PRDM11: variants seen among roughly 807,000 people sequenced by gnomAD.
PRDM11 encodes PR domain-containing protein 11.
A neutral mutation model predicts 97.8 loss-of-function variants in PRDM11; 20 were observed. The observed-to-expected ratio is 0.20, with a 90% confidence interval of 0.14 to 0.30. The LOEUF (loss-of-function observed/expected upper bound fraction) is 0.30. Among genes scored for constraint, PRDM11 ranks in the 10% least tolerant of loss-of-function variants. The pLI, the probability that PRDM11 is intolerant of heterozygous loss-of-function variation, is 1.00. For missense variants in PRDM11, 1,139 were observed against 1,555.2 expected, an observed-to-expected ratio of 0.73 and a Z score of 4.50; for synonymous variants, 599 against 637.7, an observed-to-expected ratio of 0.94 and a Z score of 0.91.
chr11:45,159,059 G>C (rs1239164734), intron 1 of PRDM11, among the ~76,000 whole-genome samples: 3 of 152,110 alleles, frequency 2.0e-5, no homozygotes, highest in African/African-American at 7.2e-5. Context: ...GGACCCACTG[G>C]CCCAGCTCCC....
At chr11:45,204,565 A>G (rs1853439512) in intron 4 of PRDM11, 146 bp from the exon 5 acceptor site, 2 of 708,342 alleles carry the variant, frequency 2.8e-6, no homozygotes, top group Admixed American at 4.7e-5. Flanking sequence ...CCCAGCCTGC[A>G]TTTCAGTTCT....
intron 1 of PRDM11, among the ~76,000 whole-genome samples, chr11:45,155,961 A>G (rs1161203309): frequency 6.6e-6 from 1 of 152,124 alleles, no homozygotes; most frequent in African/African-American, 2.4e-5. Flanking sequence ...TACAGAGGTA[A>G]CATTGAGGCC....
At chr11:45,095,578 C>A (rs1851877593), upstream of PRDM11, among the ~76,000 whole-genome samples, 1 of 152,226 alleles carries the variant, frequency 6.6e-6, no homozygotes, top group African/African-American at 2.4e-5. Context: ...AGGCACATGG[C>A]AGCTGAGAGT....
chr11:45,205,593 C>T (rs867505273), intron 5 of PRDM11, among the ~76,000 whole-genome samples: 5 of 152,190 alleles, frequency 3.3e-5, no homozygotes, highest in African/African-American at 1.2e-4. Flanking sequence ...GGCACAGCCA[C>T]ACCATGGGCC....
At chr11:45,172,110 G>A (rs190307763) in intron 1 of PRDM11, among the ~76,000 whole-genome samples, 4 of 152,254 alleles carry the variant, frequency 2.6e-5, no homozygotes, top group Admixed American at 2.6e-4. Context: ...ACAAAGCTCA[G>A]GAAAGTGATT....
intron 5 of PRDM11, among the ~76,000 whole-genome samples, chr11:45,206,813 C>G (rs1853529542): frequency 6.6e-6 from 1 of 152,234 alleles, no homozygotes; most frequent in Non-Finnish European, 1.5e-5. Context: ...AAGCTGAGAG[C>G]AGGGCAAGGT....
At chr11:45,189,197 G>A (rs747036886) in intron 4 of PRDM11, among the ~76,000 whole-genome samples, 1 of 152,128 alleles carries the variant, frequency 6.6e-6, no homozygotes, top group South Asian at 2.1e-4. Flanking sequence ...CACCACACCC[G>A]GCCGCGAGCA....
intron 4 of PRDM11, among the ~76,000 whole-genome samples, chr11:45,195,179 C>A (rs1009492910): frequency 4.6e-5 from 7 of 152,018 alleles, no homozygotes; most frequent in Non-Finnish European, 8.8e-5. Flanking sequence ...TAACAATGAA[C>A]CTTTGGCAGA....
intron 1 of PRDM11, among the ~76,000 whole-genome samples, chr11:45,154,752 C>A (rs1027748599): frequency 9.2e-5 from 14 of 152,324 alleles, no homozygotes; most frequent in African/African-American, 3.4e-4. Flanking sequence ...TGATCACTAG[C>A]CCAGGCAGGT....
intron 1 of PRDM11, among the ~76,000 whole-genome samples, chr11:45,124,711 C>G (rs969696215): frequency 1.3e-5 from 2 of 152,126 alleles, no homozygotes; most frequent in Admixed American, 6.5e-5. Flanking sequence ...GGTGGATAAG[C>G]TTTTTGATGT....
rs1033867111 is a variant in PRDM11, at chr11:45,227,160, G to A, written c.2535G>A (p.Val845=). 1 of 1,533,850 alleles carries A rather than the reference G, an allele frequency of 6.5e-7. No individual in the cohort carries two copies. The highest frequency in any genetic ancestry group is 1.4e-5 in the African/African-American group (1 of 72,986). The change falls in exon 8 of 8, where the codon GTG becomes GTA. Residue 845 remains valine, a synonymous_variant. Coordinates refer to ENST00000683152, the MANE Select transcript of PRDM11 (RefSeq NM_001384648.1). This position sits in a 1 kb window ranked among gnomAD's most constrained non-coding sequence, Gnocchi z 8.0. ...LNALIKDYLE[V]VAHLKEVSSQ... ...CTCTCATCAAGGACTACCTGGAGGT[G>A]GTGGCCCATCTCAAGGAGGTCAGCA...
intron 1 of PRDM11, among the ~76,000 whole-genome samples, chr11:45,180,804 G>A (rs1852463912): frequency 6.6e-6 from 1 of 150,858 alleles, no homozygotes; most frequent in South Asian, 2.1e-4. Flanking sequence ...GAGACGGGGC[G>A]GCCACGGGGC....
intron 4 of PRDM11, among the ~76,000 whole-genome samples, chr11:45,200,609 G>T (rs1044688846): frequency 1.3e-5 from 2 of 152,182 alleles, no homozygotes; most frequent in African/African-American, 4.8e-5. Flanking sequence ...CCTACTACTG[G>T]CTGTAGGAAC....
At position 45,232,497 on chromosome 11, in the gene PRDM11, C is replaced by G. The variant is rs976689827; in HGVS notation, c.*4338C>G. ...GCAGAAGGCATTGGACTTGTGCCCC[C>G]TCCCTGCTTCAAGAGGCAGATCTAG... On this transcript the variant is annotated 3_prime_UTR_variant, in exon 8 of 8. Coordinates refer to ENST00000683152, the MANE Select transcript of PRDM11 (RefSeq NM_001384648.1). The G allele has an allele frequency of 4.3e-4, 65 of 152,436 alleles. No homozygotes were observed. The highest frequency in any genetic ancestry group is 3.4e-3 in the Middle Eastern group (1 of 294). The allele number at this position is 152,436 out of a possible 1,614,324, so 9.4% of individuals were successfully genotyped here. A position where few individuals can be genotyped will look rare whatever the true frequency, so the allele number is the denominator to read the frequency against.
At chr11:45,164,809 C>T (rs1261309517) in intron 1 of PRDM11, among the ~76,000 whole-genome samples, 3 of 152,084 alleles carry the variant, frequency 2.0e-5, no homozygotes, top group Non-Finnish European at 4.4e-5. Flanking sequence ...TCTTGGGGGC[C>T]CAGCTTCTGG....
intron 5 of PRDM11, among the ~76,000 whole-genome samples, chr11:45,208,579 A>C (rs1853599799): frequency 6.6e-6 from 1 of 152,146 alleles, no homozygotes; most frequent in Non-Finnish European, 1.5e-5. Flanking sequence ...AAGGTGTGAA[A>C]GGTTGAACAT....
At chr11:45,182,194 C>T in intron 2 of PRDM11, 52 bp from the exon 3 acceptor site, 1 of 1,543,424 alleles carries the variant, frequency 6.5e-7, no homozygotes, top group African/African-American at 1.4e-5. Context: ...CCACTGGGCT[C>T]TCACTCTCTG....
intron 1 of PRDM11, among the ~76,000 whole-genome samples, chr11:45,176,719 T>G (rs1852336598): frequency 6.6e-6 from 1 of 152,250 alleles, no homozygotes. Flanking sequence ...CATTTGCAAA[T>G]CTGTCTTATA....
chr11:45,184,310 T>C (rs1277966282), intron 4 of PRDM11, among the ~76,000 whole-genome samples: 1 of 152,158 alleles, frequency 6.6e-6, no homozygotes, highest in Non-Finnish European at 1.5e-5. Context: ...CTTTTAATAA[T>C]GTAGGAGTTG....
Sources: gnomAD v4.1 joint callset for allele counts (sites outside exome capture counted in the v4.1 genomes callset) on GRCh38, gnomAD v4.1.1 for gene constraint, Gnocchi (gnomAD v3.1) non-coding constraint, MANE v1.5 for transcripts, NCBI Gene and HGNC (gene_info 2026-07-23, HGNC 2026-07-21) for gene names.